KNTC1: variants seen among roughly 807,000 people sequenced by gnomAD.
The protein encoded by KNTC1 is kinetochore-associated protein 1.
In KNTC1, 253 loss-of-function variants were observed where a neutral mutation model predicts 314.4. The observed-to-expected ratio is 0.80, with a 90% CI of 0.73 to 0.89. The LOEUF (loss-of-function observed/expected upper bound fraction) is 0.89. Ranked by LOEUF, KNTC1 falls within the 40% of genes least tolerant of loss-of-function variation. The pLI is 0.00. For synonymous variants in KNTC1, 901 were observed against 901.4 expected, an observed-to-expected ratio of 1.00 and a Z score of 0.01; for missense variants, 2,475 against 2,572.9, an observed-to-expected ratio of 0.96 and a Z score of 0.82.
chr12:122,579,133 C>T lies in KNTC1; in HGVS notation c.2842-772C>T, dbSNP rs902633755. Among the ~76,000 whole-genome samples, 6 of 133,344 alleles carry T rather than the reference C, an allele frequency of 4.5e-5. No homozygotes were observed. In the South Asian group the frequency reaches 1.0e-3, roughly 22 times the overall value. 87.5% of individuals were successfully genotyped at this position (133,344 alleles called of 152,430 possible). ...AGGCTGGAGTGCAGTGGCGGGATCT[C>T]GGCTCACTGCAAGCTCCGCCTCCCG... On this transcript the variant is annotated intron_variant, in intron 31 of 63. Coordinates refer to ENST00000333479, the MANE Select transcript of KNTC1 (RefSeq NM_014708.6).
chr12:122,608,649 C>T (rs1451867466), intron 51 of KNTC1, among the ~76,000 whole-genome samples: 3 of 152,096 alleles, frequency 2.0e-5, no homozygotes, highest in Non-Finnish European at 2.9e-5. Flanking sequence ...TCCTTGAGGC[C>T]AGAAACTGCA....
intron 20 of KNTC1, 55 bp from the exon 21 acceptor site, chr12:122,568,206 G>A: frequency 1.2e-6 from 1 of 827,178 alleles, no homozygotes; most frequent in Non-Finnish European, 2.0e-6. Flanking sequence ...CCACTTAAAA[G>A]GTATAACCTT....
intron 27 of KNTC1, 64 bp from the exon 28 acceptor site, chr12:122,575,479 C>A: frequency 1.9e-6 from 2 of 1,039,350 alleles, no homozygotes; most frequent in Non-Finnish European, 2.9e-6. Flanking sequence ...TTAGACTGTG[C>A]TGTTCACTTG....
chr12:122,556,484 CTTT>C (rs371272876), intron 16 of KNTC1, among the ~76,000 whole-genome samples: 1 of 112,800 alleles, frequency 8.9e-6, no homozygotes, highest in African/African-American at 3.7e-5. Flanking sequence ...CTACTCTCTA[CTTT>C]TTTTTTTTTT....
intron 20 of KNTC1, among the ~76,000 whole-genome samples, chr12:122,565,359 A>C (rs1311600248): frequency 6.6e-6 from 1 of 151,216 alleles, no homozygotes; most frequent in African/African-American, 2.4e-5. Flanking sequence ...GGCTCAAGTG[A>C]TCCTCCTGCC....
rs370451982 is a variant in KNTC1 at position 122,618,664 on chromosome 12, TTTG to T, written c.6149+137_6149+139del. ...GTTAGGAAGTTAAGCATAACACGTG[TTTG>T]TTGTTGTTGTTGTTGTTTTGAGATG... is the stretch of plus-strand genomic sequence containing the variant. On this transcript the variant is annotated intron_variant, in intron 59 of 63. Transcript: ENST00000333479. 9.5e-4 allele frequency: 750 copies of T among 786,890 alleles called. 1 individual carries two copies. The highest frequency in any genetic ancestry group is 1.2e-3 in the Non-Finnish European group (589 of 481,536). 48.7% of individuals were successfully genotyped at this position (786,890 alleles called of 1,614,324 possible). A position where few individuals can be genotyped will look rare whatever the true frequency, so the allele number is the denominator to read the frequency against.
chr12:122,595,033 G>A (rs1234391829), intron 43 of KNTC1, among the ~76,000 whole-genome samples: 32 of 152,012 alleles, frequency 2.1e-4, no homozygotes, highest in Non-Finnish European at 1.9e-4. Flanking sequence ...GCACCACCAC[G>A]CCTGGCTAAT....
chr12:122,532,088 C>T (rs979231011), intron 2 of KNTC1, among the ~76,000 whole-genome samples: 2 of 149,918 alleles, frequency 1.3e-5, no homozygotes, highest in African/African-American at 2.5e-5. Context: ...GGCTGGAGTA[C>T]AGTGATGTGA....
At chr12:122,557,146 A>G (rs35951057) in intron 16 of KNTC1, among the ~76,000 whole-genome samples, 2,290 of 152,270 alleles carry the variant, frequency 0.015, 22 homozygotes, top group Non-Finnish European at 0.027. Flanking sequence ...TAAAGCTCTT[A>G]GTAAGTGTAC....
intron 61 of KNTC1, among the ~76,000 whole-genome samples, 197 bp downstream of exon 61, chr12:122,622,167 C>T (rs1231786955): frequency 1.3e-5 from 2 of 152,158 alleles, no homozygotes; most frequent in African/African-American, 2.4e-5. Context: ...TGCTGTACTC[C>T]ATGGAAAATT....
At chr12:122,563,807 A>G (rs1964133300) in intron 20 of KNTC1, 2 of 1,470,354 alleles carry the variant, frequency 1.4e-6, no homozygotes, top group Admixed American at 2.2e-5. Flanking sequence ...CAGTTTTTTC[A>G]GCTTCAGCAG....
At chr12:122,562,823 A>G in intron 20 of KNTC1, 124 bp downstream of exon 20, 1 of 580,790 alleles carries the variant, frequency 1.7e-6, no homozygotes, top group South Asian at 1.7e-5. Context: ...CAGCCTGGCC[A>G]ACATGGCAAA....
At position 122,573,259 on chromosome 12, in the gene KNTC1, G is replaced by T; in HGVS notation, c.2257G>T (p.Glu753Ter). The T allele has an allele frequency of 1.2e-6, 2 of 1,613,584 alleles. No homozygotes were observed. The highest frequency in any genetic ancestry group is 1.7e-6 in the Non-Finnish European group (2 of 1,179,592). ...CATGAGAGAACATGACTTGCAAGAG[G>T]AGGAACTTCTCTTGCTGTACATAGA... The part of the protein sequence containing the change: ...VYMREHDLQE[E>*]ELLLLYIEDL... The change falls in exon 26 of 64, where the codon GAG (glutamate) becomes TAG (stop). Residue 753 changes from glutamate (E) to a stop codon, truncating the protein, a stop_gained. Coordinates refer to ENST00000333479, the MANE Select transcript of KNTC1 (RefSeq NM_014708.6). LOFTEE classifies it high-confidence loss of function.
Position 122,618,462 on chromosome 12 carries a change from T to G in KNTC1, c.6086-20T>G. 4 of 1,536,340 alleles carry G rather than the reference T, an allele frequency of 2.6e-6. No homozygotes were observed. The highest frequency in any genetic ancestry group is 1.8e-5 in the African/African-American group (1 of 55,350). ...GTTGAGTGTGTGTATATCATGGTTG[T>G]TTTTTTGTTTTGTTTTCAGCCTCTT... On this transcript the variant is annotated intron_variant, in intron 58 of 63. Coordinates refer to ENST00000333479, the MANE Select transcript of KNTC1 (RefSeq NM_014708.6).
intron 22 of KNTC1, 144 bp from the exon 23 acceptor site, chr12:122,570,732 C>G: frequency 1.6e-6 from 1 of 612,422 alleles, no homozygotes; most frequent in Non-Finnish European, 2.9e-6. Context: ...TACTACGTGC[C>G]CACACACAAG....
chr12:122,568,467 G>C (rs1336060308), intron 21 of KNTC1, 95 bp downstream of exon 21: 8 of 765,112 alleles, frequency 1.0e-5, no homozygotes, highest in Non-Finnish European at 1.6e-5. Context: ...AAGTCTGACT[G>C]GGTGATGGGA....
chr12:122,537,285 G>A (rs1435246912), intron 3 of KNTC1, among the ~76,000 whole-genome samples: 2 of 152,072 alleles, frequency 1.3e-5, no homozygotes, highest in Non-Finnish European at 2.9e-5. Context: ...TGTCTCCTGT[G>A]AGCTTTCTAA....
intron 40 of KNTC1, among the ~76,000 whole-genome samples, chr12:122,590,025 C>A (rs563614674): frequency 6.6e-6 from 1 of 151,830 alleles, no homozygotes; most frequent in Non-Finnish European, 1.5e-5. Context: ...CCCTTGTGAT[C>A]CACCCTCCTC....
At chr12:122,584,151 A>T in intron 34 of KNTC1, 127 bp from the exon 35 acceptor site, 1 of 730,624 alleles carries the variant, frequency 1.4e-6, no homozygotes, top group Non-Finnish European at 2.3e-6. Context: ...ACTACACTAT[A>T]TACCATGAGA....
Sources: allele counts gnomAD v4.1 joint callset (sites outside exome capture counted in the v4.1 genomes callset), GRCh38; gene constraint gnomAD v4.1.1; transcripts MANE v1.5; gene names NCBI Gene and HGNC (gene_info 2026-07-23, HGNC 2026-07-21).